The following CDH12 variants were observed in gnomAD, a reference collection of about 807,000 sequenced individuals.
The protein encoded by CDH12 is cadherin-12.
CDH12 carries 41 observed loss-of-function variants against 74.1 expected under a neutral mutation model. That is an observed-to-expected ratio of 0.55 (90% confidence interval 0.43 to 0.72). The LOEUF (loss-of-function observed/expected upper bound fraction) is 0.72, where lower values mean the gene tolerates loss of function less well. Ranked by LOEUF, CDH12 falls within the 30% of genes least tolerant of loss-of-function variation. The pLI is 0.00. For missense variants in CDH12, 945 were observed against 977.2 expected (o/e 0.97, Z 0.44); for synonymous variants, 399 against 355.0 (o/e 1.12, Z -1.39).
At chr5:22,260,942 C>A (rs575899630) in intron 3 of CDH12, among the ~76,000 whole-genome samples, 2 of 151,934 alleles carry the variant, frequency 1.3e-5, no homozygotes, top group South Asian at 4.1e-4. Context: ...ACAATAAACA[C>A]AGAGAGCCCA....
intron 5 of CDH12, among the ~76,000 whole-genome samples, chr5:22,040,260 A>G (rs912782008): frequency 1.3e-5 from 2 of 152,156 alleles, no homozygotes; most frequent in Non-Finnish European, 2.9e-5. Flanking sequence ...GAAATTACTC[A>G]GAGGACAAAA....
At chr5:21,969,152 G>GAA (rs377353629) in intron 6 of CDH12, among the ~76,000 whole-genome samples, 3 of 137,488 alleles carry the variant, frequency 2.2e-5, no homozygotes, top group Admixed American at 7.3e-5. Flanking sequence ...AAATCTAAAA[G>GAA]AAAAAAAAAA....
intron 1 of CDH12, among the ~76,000 whole-genome samples, chr5:22,545,408 C>T (rs574047008): frequency 6.6e-6 from 1 of 152,192 alleles, no homozygotes; most frequent in South Asian, 2.1e-4. Flanking sequence ...AATTGTGTGA[C>T]AAAATTTAAT....
At chr5:22,492,332 C>T (rs1746908325) in intron 2 of CDH12, among the ~76,000 whole-genome samples, 1 of 142,306 alleles carries the variant, frequency 7.0e-6, no homozygotes, top group Non-Finnish European at 1.5e-5. Flanking sequence ...TCCATGCCTA[C>T]AGTCTCCTAC....
intron 3 of CDH12, among the ~76,000 whole-genome samples, chr5:22,331,685 G>A (rs942780594): frequency 1.3e-5 from 2 of 152,122 alleles, no homozygotes; most frequent in African/African-American, 4.8e-5. Flanking sequence ...ACCAAATACT[G>A]GAGAAACAGA....
At chr5:22,362,868 G>A (rs905767367) in intron 3 of CDH12, among the ~76,000 whole-genome samples, 34 of 147,650 alleles carry the variant, frequency 2.3e-4, no homozygotes, top group Non-Finnish European at 4.9e-4. Context: ...ACTCATAGGT[G>A]GGAACTGAAC....
At chr5:22,457,099 G>C (rs1284447622) in intron 2 of CDH12, among the ~76,000 whole-genome samples, 2 of 152,144 alleles carry the variant, frequency 1.3e-5, no homozygotes, top group Non-Finnish European at 2.9e-5. Flanking sequence ...TGAAACATGA[G>C]TCTGAGTGGA....
intron 1 of CDH12, among the ~76,000 whole-genome samples, chr5:22,531,975 C>T (rs1737605118): frequency 6.6e-6 from 1 of 152,092 alleles, no homozygotes; most frequent in Admixed American, 6.5e-5. Context: ...GCTGGGATGG[C>T]ATTCTGAGAA....
chr5:22,264,937 T>A (rs1411952746), intron 3 of CDH12, among the ~76,000 whole-genome samples: 2 of 152,176 alleles, frequency 1.3e-5, no homozygotes, highest in African/African-American at 4.8e-5. Flanking sequence ...TTCTTTGACG[T>A]ATAGACATTT....
chr5:22,395,142 G>C (rs1254029579), intron 3 of CDH12, among the ~76,000 whole-genome samples: 2 of 152,128 alleles, frequency 1.3e-5, no homozygotes, highest in Non-Finnish European at 2.9e-5. Context: ...TATCTGAGCA[G>C]GATCTAAATC....
intron 1 of CDH12, among the ~76,000 whole-genome samples, chr5:22,573,938 T>C (rs1312065558): frequency 6.6e-6 from 1 of 152,140 alleles, no homozygotes; most frequent in Non-Finnish European, 1.5e-5. Flanking sequence ...AGTGTCACGC[T>C]AAATGGTGTT....
At chr5:21,967,863 C>G (rs2150115944) in intron 6 of CDH12, among the ~76,000 whole-genome samples, 1 of 152,240 alleles carries the variant, frequency 6.6e-6, no homozygotes, top group South Asian at 2.1e-4. Context: ...ACGGCTGGCA[C>G]AGGAGAGATC....
chr5:21,946,181 C>T (rs984818325), intron 6 of CDH12, among the ~76,000 whole-genome samples: 2 of 151,902 alleles, frequency 1.3e-5, no homozygotes, highest in African/African-American at 4.8e-5. Flanking sequence ...ATTCTTCAGG[C>T]ATTAAAGTGA....
At chr5:22,164,395 G>C (rs1748554414) in intron 4 of CDH12, among the ~76,000 whole-genome samples, 1 of 152,184 alleles carries the variant, frequency 6.6e-6, no homozygotes, top group African/African-American at 2.4e-5. Context: ...AACCCGATGG[G>C]GAGCGACAGT....
chr5:22,641,617 C>T (rs1739155678), intron 1 of CDH12, among the ~76,000 whole-genome samples: 2 of 152,100 alleles, frequency 1.3e-5, no homozygotes, highest in Admixed American at 1.3e-4. Flanking sequence ...ACACAGAATC[C>T]CTTCTTTGAA....
intron 5 of CDH12, among the ~76,000 whole-genome samples, chr5:22,045,990 A>G (rs1443834522): frequency 6.6e-6 from 1 of 152,232 alleles, no homozygotes. Context: ...GCATATATCA[A>G]ACATATTATC....
At chr5:21,852,121 C>T (rs143931995) in intron 7 of CDH12, among the ~76,000 whole-genome samples, 187 of 151,320 alleles carry the variant, frequency 1.2e-3, no homozygotes, top group South Asian at 2.9e-3. Context: ...TCTTATCTAC[C>T]ACAAGGTGAT....
chr5:21,839,633 C>T (rs993191456), intron 8 of CDH12, among the ~76,000 whole-genome samples: 7 of 152,040 alleles, frequency 4.6e-5, no homozygotes, highest in Non-Finnish European at 8.8e-5. Flanking sequence ...TATGGAAAAA[C>T]TTACATATAG....
At position 22,527,664 on chromosome 5, in the gene CDH12, C is replaced by A. The variant is rs562198036; in HGVS notation, c.-522-22300G>T. 9.2e-5 allele frequency among the ~76,000 whole-genome samples: 14 copies of A among 152,274 alleles called. 1 individual carries two copies. In the South Asian group the frequency reaches 2.5e-3, roughly 27 times the overall value. ...TTTATTTGTCAATCATGGTAGAATT[C>A]ATGGTAGAAGGTATGTCTTCTGGAC... On this transcript the variant is annotated intron_variant, in intron 1 of 14. Transcript: ENST00000382254.
Sources: gnomAD v4.1 joint callset for allele counts (sites outside exome capture counted in the v4.1 genomes callset) on GRCh38, gnomAD v4.1.1 for gene constraint, MANE v1.5 for transcripts, NCBI Gene and HGNC (gene_info 2026-07-23, HGNC 2026-07-21) for gene names.